MKLN1: variants seen among roughly 807,000 people sequenced by gnomAD.
The protein encoded by MKLN1 is muskelin 1, also known as muskelin.
Under a neutral mutation model 99.0 loss-of-function variants are expected in MKLN1, and 18 were observed. The ratio of observed to expected loss-of-function variants is 0.18; its 90% confidence interval spans 0.13 to 0.27. The LOEUF (loss-of-function observed/expected upper bound fraction) is 0.27, where lower values mean the gene tolerates loss of function less well. MKLN1 is among the 10% of genes least tolerant of loss of function. MKLN1 has a pLI of 1.00. For synonymous variants in MKLN1, 288 were observed against 293.2 expected (o/e 0.98, Z 0.18); for missense variants, 621 against 875.9 (o/e 0.71, Z 3.67).
chr7:131,251,073 C>A (rs915785455), intron 3 of MKLN1, among the ~76,000 whole-genome samples: 1 of 149,118 alleles, frequency 6.7e-6, no homozygotes, highest in Non-Finnish European at 1.5e-5. Context: ...GGACAGACAG[C>A]CAGCAGCAAT....
chr7:131,177,417 C>A (rs1584810953), intron 2 of MKLN1, among the ~76,000 whole-genome samples: 1 of 146,184 alleles, frequency 6.8e-6, no homozygotes, highest in Non-Finnish European at 1.5e-5. Context: ...TGCAGTGAGC[C>A]AAGATTGTGC....
intron 9 of MKLN1, among the ~76,000 whole-genome samples, chr7:131,431,722 T>A (rs1209182150): frequency 2.0e-5 from 3 of 152,172 alleles, no homozygotes; most frequent in African/African-American, 7.2e-5. Flanking sequence ...ACAACAATAA[T>A]AAAACAATTT....
At chr7:131,158,314 G>C (rs1795998072) in intron 2 of MKLN1, among the ~76,000 whole-genome samples, 1 of 152,050 alleles carries the variant, frequency 6.6e-6, no homozygotes, top group Non-Finnish European at 1.5e-5. Context: ...TGGTGGCAAA[G>C]TCCCAGCTAT....
intron 2 of MKLN1, among the ~76,000 whole-genome samples, chr7:131,385,542 AATT>A (rs556034576): frequency 6.6e-6 from 1 of 151,914 alleles, no homozygotes; most frequent in Non-Finnish European, 1.5e-5. Context: ...TGCATTTTAA[AATT>A]ATTATTATTA....
chr7:131,407,889 T>G (rs1182924295), intron 6 of MKLN1, among the ~76,000 whole-genome samples: 1 of 152,136 alleles, frequency 6.6e-6, no homozygotes. Flanking sequence ...TGGTGCTGTA[T>G]TTCTCATTTT....
rs184635289 is a variant in MKLN1, at chr7:131,286,037, G to A, written c.-179+83063G>A. 2.7e-5 allele frequency among the ~76,000 whole-genome samples: 4 copies of A among 149,338 alleles called. 1 individual carries two copies. Among genetic ancestry groups the A allele is most frequent in the East Asian group, 2.0e-4 (1 of 5,080 alleles). On this transcript the variant is annotated intron_variant, in intron 3 of 7. Coordinates refer to the MKLN1 transcript ENST00000416992. ...GTGGCGCCGTCTCACTGCAACCTTC[G>A]TCTCCCGGGTTCAAGCGATTCTCGT...
chr7:131,471,096 T>C (rs1584776805), intron 16 of MKLN1, 152 bp downstream of exon 16: 1 of 567,872 alleles, frequency 1.8e-6, no homozygotes, highest in East Asian at 3.1e-5. Flanking sequence ...GCAGGTGAAA[T>C]AAAAATTGAA....
intron 2 of MKLN1, among the ~76,000 whole-genome samples, chr7:131,163,417 T>G (rs1183162290): frequency 6.6e-6 from 1 of 152,256 alleles, no homozygotes. Flanking sequence ...TTTCTACGAT[T>G]CTATCACAAT....
At chr7:131,260,973 T>C (rs1406617851) in intron 3 of MKLN1, among the ~76,000 whole-genome samples, 1 of 152,192 alleles carries the variant, frequency 6.6e-6, no homozygotes, top group Non-Finnish European at 1.5e-5. Flanking sequence ...TCCTTCTTTA[T>C]ATTGTATACA....
chr7:131,242,965 G>T, intron 3 of MKLN1: 2 of 638,608 alleles, frequency 3.1e-6, no homozygotes, highest in East Asian at 3.5e-5. Context: ...TACAAGACAG[G>T]CAAGAACAAG....
At chr7:131,309,743 T>TTTTTTTTTA (rs1798529745) in intron 3 of MKLN1, 4 of 142,958 alleles carry the variant, frequency 2.8e-5, no homozygotes, top group Non-Finnish European at 3.1e-5. Flanking sequence ...TTTTTTTTTT[T>TTTTTTTTTA]GAGACAGGGC....
intron 3 of MKLN1, among the ~76,000 whole-genome samples, chr7:131,299,543 A>T (rs546710224): frequency 6.6e-6 from 1 of 152,322 alleles, no homozygotes; most frequent in South Asian, 2.1e-4. Context: ...CCCTTTTCCC[A>T]TTTAGAAAAA....
intron 3 of MKLN1, among the ~76,000 whole-genome samples, chr7:131,278,079 A>T (rs891346016): frequency 6.6e-6 from 1 of 151,678 alleles, no homozygotes; most frequent in Non-Finnish European, 1.5e-5. Flanking sequence ...GTCTGGCTCT[A>T]TTGAGCAAAC....
chr7:131,328,284 G>GGGTTGA, intron 1 of MKLN1: 1 of 403,106 alleles, frequency 2.5e-6, no homozygotes, highest in African/African-American at 2.1e-5. Flanking sequence ...TGGGATTTGG[G>GGGTTGA]GGTTGAGGTT....
chr7:131,155,597 A>G (rs1795950777), intron 2 of MKLN1, among the ~76,000 whole-genome samples: 1 of 152,110 alleles, frequency 6.6e-6, no homozygotes. Flanking sequence ...TGTAAACACT[A>G]TTTTACATGT....
At chr7:131,344,034 C>A (rs1055404046) in intron 1 of MKLN1, among the ~76,000 whole-genome samples, 2 of 152,104 alleles carry the variant, frequency 1.3e-5, no homozygotes, top group East Asian at 3.9e-4. Flanking sequence ...AGCAAAAAAA[C>A]CCTGATTTTA....
chr7:131,155,564 T>C (rs1480298948), intron 2 of MKLN1, among the ~76,000 whole-genome samples: 2 of 152,170 alleles, frequency 1.3e-5, no homozygotes, highest in Admixed American at 1.3e-4. Flanking sequence ...TTTCCAAACA[T>C]AGTTTAGGAA....
At chr7:131,306,481 G>A (rs994296918) in intron 3 of MKLN1, among the ~76,000 whole-genome samples, 9 of 152,212 alleles carry the variant, frequency 5.9e-5, no homozygotes, top group Non-Finnish European at 1.5e-5. Context: ...GGCTGAGGTG[G>A]TCTCAGATAG....
chr7:131,328,149 GA>G, intron 1 of MKLN1, 152 bp downstream of exon 1: 7 of 970,182 alleles, frequency 7.2e-6, no homozygotes, highest in Non-Finnish European at 9.0e-6. Context: ...CAGCTGCTGA[GA>G]GCGTTGCTCG....
Sources: allele counts gnomAD v4.1 joint callset (sites outside exome capture counted in the v4.1 genomes callset), GRCh38; gene constraint gnomAD v4.1.1; transcripts MANE v1.5; gene names NCBI Gene and HGNC (gene_info 2026-07-23, HGNC 2026-07-21).